Variants in SLC3A1 observed in about 807,000 individuals in gnomAD.
The protein encoded by SLC3A1 is amino acid transporter heavy chain SLC3A1.
In SLC3A1, 78 loss-of-function variants were observed where a neutral mutation model predicts 60.3. That is an observed-to-expected ratio of 1.29 (90% CI 1.08 to 1.56). SLC3A1 has a LOEUF of 1.56. SLC3A1 is among the 40% of genes most tolerant of loss of function. SLC3A1 has a pLI of 0.00. For missense variants in SLC3A1, 1,172 were observed against 858.9 expected, an observed-to-expected ratio of 1.36 and a Z score of -4.56; for synonymous variants, 392 against 307.9, an observed-to-expected ratio of 1.27 and a Z score of -2.86.
rs115430662 is a variant in SLC3A1, at chr2:44,302,731, G to A, written c.1137-1412G>A. ...GTTATAGGGACTCCAATACAAGGGG[G>A]AAGTTCTTTTGAAGAAAATACCCCA... is the stretch of plus-strand genomic sequence containing the variant. On this transcript the variant is annotated intron_variant, in intron 6 of 9. Transcript: ENST00000260649. Among the ~76,000 whole-genome samples the A allele has an allele frequency of 5.6e-3, 847 of 152,336 alleles. 3 individuals carry two copies. Among genetic ancestry groups the A allele is most frequent in the Non-Finnish European group, 9.5e-3 (645 of 68,028 alleles).
chr2:44,281,299 C>T (rs1180320610), intron 2 of SLC3A1, 88 bp from the exon 3 acceptor site: 8 of 1,164,604 alleles, frequency 6.9e-6, no homozygotes, highest in Non-Finnish European at 1.0e-5. Context: ...ATTGGGGTTA[C>T]AGGCGTTAGC....
At chr2:44,302,483 G>A (rs927321266) in intron 6 of SLC3A1, among the ~76,000 whole-genome samples, 4 of 152,300 alleles carry the variant, frequency 2.6e-5, no homozygotes, top group Non-Finnish European at 5.9e-5. Flanking sequence ...TTATAGACAA[G>A]GAAACTGAGG....
intron 4 of SLC3A1, among the ~76,000 whole-genome samples, chr2:44,295,856 C>G (rs1671836379): frequency 6.6e-6 from 1 of 152,216 alleles, no homozygotes; most frequent in Non-Finnish European, 1.5e-5. Flanking sequence ...TATTCGTGCT[C>G]TGCCCCAACC....
At position 44,320,331 on chromosome 2, in the gene SLC3A1, A is replaced by T; in HGVS notation, c.1750A>T (p.Arg584Ter). 1.9e-6 allele frequency: 3 copies of T among 1,614,164 alleles called. No individual in the cohort carries two copies. Among genetic ancestry groups the T allele is most frequent in the South Asian group, 2.2e-5 (2 of 91,090 alleles). ...RNDSHYVVYTRELDGIDRIFI... is the reference protein window; with the variant it reads ...RNDSHYVVYT Reference sequence around the variant, plus strand: ...TGACAGCCACTATGTTGTGTACACAAGAGAGCTGGATGGCATCGACAGAAT... The same window carrying T: ...TGACAGCCACTATGTTGTGTACACATGAGAGCTGGATGGCATCGACAGAAT... Residue 584 changes from arginine (R) to a stop codon, truncating the protein, a stop_gained, in exon 10 of 10, where the codon AGA becomes TGA. Transcript: ENST00000260649. LOFTEE classifies it low-confidence loss of function (END_TRUNC).
At chr2:44,309,052 TAAA>T (rs905484667) in intron 7 of SLC3A1, among the ~76,000 whole-genome samples, 16 of 152,202 alleles carry the variant, frequency 1.1e-4, no homozygotes, top group African/African-American at 3.4e-4. Flanking sequence ...TTTTTTGTTT[TAAA>T]ATTATTGCAA....
chr2:44,318,992 T>G (rs886892914), intron 9 of SLC3A1: 1 of 152,182 alleles, frequency 6.6e-6, no homozygotes, highest in South Asian at 2.1e-4. Context: ...TAGACAATAA[T>G]AGCTAACACT....
At chr2:44,312,833 C>T in intron 8 of SLC3A1, 80 bp downstream of exon 8, 1 of 1,131,764 alleles carries the variant, frequency 8.8e-7, no homozygotes. Flanking sequence ...AATCAGAGAA[C>T]TTACTATCTC....
intron 4 of SLC3A1, among the ~76,000 whole-genome samples, chr2:44,297,877 T>C (rs2104359123): frequency 6.6e-6 from 1 of 152,174 alleles, no homozygotes; most frequent in African/African-American, 2.4e-5. Context: ...AGATTACAGG[T>C]GTGAGCCGTC....
chr2:44,275,506 A>C lies in SLC3A1; in HGVS notation c.-30A>C. On this transcript the variant is annotated 5_prime_UTR_variant, in exon 1 of 10. Coordinates refer to ENST00000260649, the MANE Select transcript of SLC3A1 (RefSeq NM_000341.4). ...CTCTTCCACCTCCCTTACTGCAGGA[A>C]GGCACTCCGAAGACATAAGTCGGTG... The C allele has an allele frequency of 6.3e-7, 1 of 1,595,582 alleles. No homozygotes were observed. The highest frequency in any genetic ancestry group is 8.6e-7 in the Non-Finnish European group (1 of 1,164,848).
chr2:44,289,104 G>C (rs1441556165), intron 4 of SLC3A1, among the ~76,000 whole-genome samples: 1 of 151,956 alleles, frequency 6.6e-6, no homozygotes, highest in Non-Finnish European at 1.5e-5. Flanking sequence ...CACAGTGCTG[G>C]GATTACAGGT....
At chr2:44,285,872 G>T (rs1056693212) in intron 3 of SLC3A1, 160 bp from the exon 4 acceptor site, 10 of 862,836 alleles carry the variant, frequency 1.2e-5, no homozygotes, top group Admixed American at 1.8e-5. Context: ...AATGGGGTGG[G>T]GGGTATTTGG....
In SLC3A1 at chr2:44,275,611, C is replaced by G. The variant is rs1338557802; in HGVS notation, c.76C>G (p.His26Asp). 1.2e-6 allele frequency: 2 copies of G among 1,614,018 alleles called. No homozygotes were observed. The highest frequency in any genetic ancestry group is 1.7e-6 in the Non-Finnish European group (2 of 1,179,900). ...ATGCCAGACAAACAACGGGTTTGTC[C>G]ATAATGAAGACATTCTGGAGCAGAC... Reference protein sequence around the residue: ...KGCQTNNGFVHNEDILEQTPD... With the variant: ...KGCQTNNGFVDNEDILEQTPD... Residue 26 changes from histidine to aspartate, a missense_variant, in exon 1 of 10, where the codon CAT (histidine) becomes GAT (aspartate). His to Asp is a moderately conservative substitution (Grantham distance 81). Coordinates refer to ENST00000260649, the MANE Select transcript of SLC3A1 (RefSeq NM_000341.4).
chr2:44,301,109 C>G lies in SLC3A1; in HGVS notation c.1118C>G (p.Thr373Arg). ...CGGCAGACCATGGACCAATACAGCA[C>G]GGAGCCCGGCAGATACAGGTTGACC... Reference protein sequence around the residue: ...SFRQTMDQYSTEPGRYRFMGT... With the variant: ...SFRQTMDQYSREPGRYRFMGT... The change falls in exon 6 of 10, where the codon ACG (threonine) becomes AGG (arginine). Residue 373 changes from threonine (T) to arginine (R), a missense_variant. Coordinates refer to ENST00000260649, the MANE Select transcript of SLC3A1 (RefSeq NM_000341.4). The G allele has an allele frequency of 6.2e-7, 1 of 1,611,820 alleles. No individual in the cohort carries two copies. Among genetic ancestry groups the G allele is most frequent in the Non-Finnish European group, 8.5e-7 (1 of 1,179,662 alleles).
At chr2:44,315,488 T>G in intron 9 of SLC3A1, among the ~76,000 whole-genome samples, 1 of 119,984 alleles carries the variant, frequency 8.3e-6, no homozygotes, top group Non-Finnish European at 1.7e-5. Flanking sequence ...GTTTCTACCT[T>G]CCCCCTACCC....
At chr2:44,285,842 T>G in intron 3 of SLC3A1, 190 bp from the exon 4 acceptor site, 3 of 724,046 alleles carry the variant, frequency 4.1e-6, no homozygotes, top group Non-Finnish European at 7.6e-6. Flanking sequence ...GTTGCAACCA[T>G]GTTTGTGAGG....
chr2:44,319,975 C>G (rs1039831088), intron 9 of SLC3A1: 1 of 540,708 alleles, frequency 1.8e-6, no homozygotes, highest in Admixed American at 3.1e-5. Context: ...GAGCACTGTG[C>G]GTACTTATTG....
intron 2 of SLC3A1, 110 bp from the exon 3 acceptor site, chr2:44,281,277 G>C: frequency 1.1e-6 from 1 of 937,434 alleles, no homozygotes; most frequent in Non-Finnish European, 1.7e-6. Context: ...TCCTACCTTA[G>C]CCTCCCAGTG....
intron 3 of SLC3A1, 86 bp from the exon 4 acceptor site, chr2:44,285,946 C>T: frequency 2.0e-6 from 3 of 1,524,790 alleles, no homozygotes; most frequent in Non-Finnish European, 2.7e-6. Flanking sequence ...CATACTCTGC[C>T]TGCAAAGGAT....
chr2:44,277,733 C>T (rs2104329213), intron 1 of SLC3A1, among the ~76,000 whole-genome samples: 1 of 152,300 alleles, frequency 6.6e-6, no homozygotes, highest in Non-Finnish European at 1.5e-5. Flanking sequence ...CCTGGCCCTG[C>T]CTTCTTAATA....
Sources: allele counts gnomAD v4.1 joint callset (sites outside exome capture counted in the v4.1 genomes callset), GRCh38; gene constraint gnomAD v4.1.1; transcripts MANE v1.5; gene names NCBI Gene and HGNC (gene_info 2026-07-23, HGNC 2026-07-21).